RARA: variants seen among roughly 807,000 people sequenced by gnomAD.
RARA encodes the protein retinoic acid receptor alpha.
Under a neutral mutation model 42.8 loss-of-function variants are expected in RARA, and 5 were observed. That is an observed-to-expected ratio of 0.12 (90% CI 0.06 to 0.25). The LOEUF (loss-of-function observed/expected upper bound fraction) is 0.25, where lower values mean the gene tolerates loss of function less well. Ranked by LOEUF, RARA falls within the 10% of genes least tolerant of loss-of-function variation. The pLI, the probability that RARA is intolerant of heterozygous loss-of-function variation, is 1.00. For synonymous variants in RARA, 256 were observed against 259.5 expected (o/e 0.99, Z 0.13); for missense variants, 402 against 628.7 (o/e 0.64, Z 3.86).
intron 2 of RARA, chr17:40,341,854 C>T: frequency 6.8e-6 from 7 of 1,028,640 alleles, no homozygotes; most frequent in Non-Finnish European, 8.8e-6. Context: ...GACGCCCGCC[C>T]CTCTTCCGTC....
intron 1 of RARA, among the ~76,000 whole-genome samples, chr17:40,322,219 TG>T (rs1454261342): frequency 6.6e-6 from 1 of 151,718 alleles, no homozygotes; most frequent in Non-Finnish European, 1.5e-5. Context: ...TGCCCTCGTC[TG>T]GGCGGGCACC....
intron 2 of RARA, chr17:40,341,371 C>T: frequency 1.4e-6 from 2 of 1,447,252 alleles, no homozygotes; most frequent in Admixed American, 5.2e-5. Flanking sequence ...GCGTCGGGTT[C>T]CGGCGGCCGG....
At chr17:40,350,202 G>A in intron 4 of RARA, 1 of 451,856 alleles carries the variant, frequency 2.2e-6, no homozygotes, top group Non-Finnish European at 4.0e-6. Context: ...TTGCGTATGT[G>A]TGTGTGTGTG....
chr17:40,353,135 A>T (rs1355093967), intron 6 of RARA, among the ~76,000 whole-genome samples: 1 of 152,108 alleles, frequency 6.6e-6, no homozygotes, highest in East Asian at 1.9e-4. Flanking sequence ...AGAGGAGGTG[A>T]CATCTAGGGG....
rs1402784663 is a variant in RARA, at chr17:40,326,599, TC to T, written c.-362-4257del. On this transcript the variant is annotated intron_variant, in intron 1 of 8. Transcript: ENST00000254066. This position sits in a 1 kb window ranked among gnomAD's most constrained non-coding sequence, Gnocchi z 5.2. ...GGAGTGTGGGGCTGGTTGCAGGTGC[TC>T]TAGCCCCCTACCCCTTTTTCTGCTG... is the stretch of plus-strand genomic sequence containing the variant. The T allele has an allele frequency of 6.6e-6, 1 of 152,286 alleles. No individual in the cohort carries two copies. The highest frequency in any genetic ancestry group is 1.5e-5 in the Non-Finnish European group (1 of 68,092). The allele number at this position is 152,286 out of a possible 1,614,324, so 9.4% of individuals were successfully genotyped here. A position where few individuals can be genotyped will look rare whatever the true frequency, so the allele number is the denominator to read the frequency against.
At chr17:40,334,213 C>A (rs1010955050) in intron 2 of RARA, among the ~76,000 whole-genome samples, 1 of 152,156 alleles carries the variant, frequency 6.6e-6, no homozygotes, top group Non-Finnish European at 1.5e-5. Flanking sequence ...ATCCTGGTAA[C>A]CTTCTCCCCA....
chr17:40,325,948 C>A (rs1316253538), intron 1 of RARA, among the ~76,000 whole-genome samples: 1 of 152,192 alleles, frequency 6.6e-6, no homozygotes, highest in Non-Finnish European at 1.5e-5. Flanking sequence ...TGGTCTATTT[C>A]TCTTCCCCTT....
In RARA at chr17:40,351,394, C is replaced by A; in HGVS notation, c.470-516C>A. The A allele has an allele frequency of 2.3e-6, 1 of 437,050 alleles. No individual in the cohort carries two copies. The highest frequency in any genetic ancestry group is 1.6e-5 in the South Asian group (1 of 61,364). The allele number at this position is 437,050 out of a possible 1,614,324, so 27.1% of individuals were successfully genotyped here. On this transcript the variant is annotated intron_variant, in intron 4 of 8. Transcript: ENST00000254066. The surrounding 1 kb of genome is among the most constrained non-coding windows in gnomAD (Gnocchi z 4.1). ...AGCGCCCCTGGTGATTTGTCAGCTC[C>A]CCAGCTAATGGGCCAAGAGATTCTC...
chr17:40,346,445 C>T (rs541828883), intron 2 of RARA, among the ~76,000 whole-genome samples: 9 of 151,894 alleles, frequency 5.9e-5, no homozygotes, highest in Non-Finnish European at 1.2e-4. Flanking sequence ...CTCTGCTTGT[C>T]GGAATGCTGA....
intron 2 of RARA, among the ~76,000 whole-genome samples, chr17:40,335,563 G>A (rs1011343470): frequency 6.6e-6 from 1 of 152,068 alleles, no homozygotes; most frequent in Admixed American, 6.6e-5. Context: ...GGTGGCACGT[G>A]TCTGTAATCC....
chr17:40,351,855 G>A lies in RARA; in HGVS notation c.470-55G>A. 7 of 1,574,412 alleles carry A rather than the reference G, an allele frequency of 4.4e-6. No homozygotes were observed. The highest frequency in any genetic ancestry group is 6.0e-6 in the Non-Finnish European group (7 of 1,168,334). ...GCAGCTCTCTGTCAGGCTGGGGGTG[G>A]ACGAGGCCCTGAGCAGCCTGCAGCT... On this transcript the variant is annotated intron_variant, in intron 4 of 8. Coordinates refer to ENST00000254066, the MANE Select transcript of RARA (RefSeq NM_000964.4). The surrounding 1 kb of genome is among the most constrained non-coding windows in gnomAD (Gnocchi z 4.1).
chr17:40,354,539 T>C lies in RARA; in HGVS notation c.1012+33T>C. On this transcript the variant is annotated intron_variant, in intron 7 of 8. Transcript: ENST00000254066. This position sits in a 1 kb window ranked among gnomAD's most constrained non-coding sequence, Gnocchi z 4.5. ...GGGGGCCTGGGTCTGGGGGCTGGGCTGGGACGGGGGTGCAGCCCTGGAGTC... is the reference window on the plus strand; with the variant it reads ...GGGGGCCTGGGTCTGGGGGCTGGGCCGGGACGGGGGTGCAGCCCTGGAGTC... 1 of 1,174,760 alleles carries C rather than the reference T, an allele frequency of 8.5e-7. No individual in the cohort carries two copies. Among genetic ancestry groups the C allele is most frequent in the Non-Finnish European group, 1.2e-6 (1 of 811,888 alleles). The allele number at this position is 1,174,760 out of a possible 1,614,324, so 72.8% of individuals were successfully genotyped here.
rs948121153 is a variant in RARA, at chr17:40,354,327, C to T, written c.833C>T (p.Thr278Met). The T allele has an allele frequency of 1.2e-6, 2 of 1,614,162 alleles. No homozygotes were observed. Among genetic ancestry groups the T allele is most frequent in the Non-Finnish European group, 1.7e-6 (2 of 1,180,036 alleles). Residue 278 changes from threonine (T) to methionine (M), a missense_variant, in exon 7 of 9, where the codon ACG becomes ATG. By Grantham distance (81) the Thr-to-Met change is moderately conservative. Coordinates refer to ENST00000254066, the MANE Select transcript of RARA (RefSeq NM_000964.4). The surrounding 1 kb of genome is among the most constrained non-coding windows in gnomAD (Gnocchi z 4.5). ...ILILRICTRYTPEQDTMTFSD... is the reference protein window; with the variant it reads ...ILILRICTRYMPEQDTMTFSD... ...ATCCTGCGGATCTGCACGCGGTACA[C>T]GCCCGAGCAGGACACCATGACCTTC...
At chr17:40,315,167 T>TACACACACACACAC (rs1299638664) in intron 1 of RARA, among the ~76,000 whole-genome samples, 2 of 116,032 alleles carry the variant, frequency 1.7e-5, no homozygotes, top group African/African-American at 8.3e-5. Context: ...TATATATATA[T>TACACACACACACAC]ATATACACAC....
At chr17:40,315,163 T>C (rs1480530407) in intron 1 of RARA, among the ~76,000 whole-genome samples, 5,045 of 123,912 alleles carry the variant, frequency 0.041, 546 homozygotes, top group African/African-American at 0.18. Context: ...TATATATATA[T>C]ATATATATAC....
At chr17:40,323,751 G>A (rs1406105762) in intron 1 of RARA, among the ~76,000 whole-genome samples, 2 of 141,432 alleles carry the variant, frequency 1.4e-5, no homozygotes, top group South Asian at 2.4e-4. Flanking sequence ...TCAATGGGTC[G>A]GAGGGGGGGT....
intron 2 of RARA, chr17:40,342,881 T>G: frequency 1.2e-6 from 2 of 1,606,054 alleles, no homozygotes; most frequent in South Asian, 2.2e-5. Context: ...CGTACCGGCC[T>G]CTCAGTCTGC....
At position 40,337,556 on chromosome 17, in the gene RARA, G is replaced by A. The variant is rs1350088370; in HGVS notation, c.178+6160G>A. ...CCCACGGGAGTTTGCAGAACTCAGCGGGCACCCTCCCCCCGATCTCCAGAC... is the reference window on the plus strand; with the variant it reads ...CCCACGGGAGTTTGCAGAACTCAGCAGGCACCCTCCCCCCGATCTCCAGAC... On this transcript the variant is annotated intron_variant, in intron 2 of 8. Transcript: ENST00000254066. Among the ~76,000 whole-genome samples, 4 of 151,902 alleles carry A rather than the reference G, an allele frequency of 2.6e-5. No individual in the cohort carries two copies. In the South Asian group the frequency reaches 8.3e-4, roughly 32 times the overall value.
At chr17:40,335,423 C>T (rs2033816155) in intron 2 of RARA, among the ~76,000 whole-genome samples, 1 of 152,114 alleles carries the variant, frequency 6.6e-6, no homozygotes. Flanking sequence ...GGCGTGGTGA[C>T]TCATGCCTGT....
Sources: gnomAD v4.1 joint callset for allele counts (sites outside exome capture counted in the v4.1 genomes callset) on GRCh38, gnomAD v4.1.1 for gene constraint, Gnocchi (gnomAD v3.1) non-coding constraint, MANE v1.5 for transcripts, NCBI Gene and HGNC (gene_info 2026-07-23, HGNC 2026-07-21) for gene names.